The following TOX variants were observed in gnomAD, a reference collection of about 807,000 sequenced individuals.
TOX encodes the protein thymocyte selection-associated high mobility group box protein TOX.
Under a neutral mutation model 53.7 loss-of-function variants are expected in TOX, and 11 were observed. The ratio of observed to expected loss-of-function variants is 0.20; its 90% CI spans 0.13 to 0.34. The LOEUF is 0.34. TOX is among the 10% of genes least tolerant of loss of function. TOX has a pLI of 1.00. For missense variants in TOX, 570 were observed against 664.6 expected (o/e 0.86, Z 1.56); for synonymous variants, 225 against 245.3 (o/e 0.92, Z 0.77).
chr8:59,066,057 A>C (rs1372951881), intron 1 of TOX, among the ~76,000 whole-genome samples: 1 of 152,212 alleles, frequency 6.6e-6, no homozygotes, highest in African/African-American at 2.4e-5. Flanking sequence ...CACAGGAAAA[A>C]ACGAGGAGCA....
At chr8:59,082,591 G>C (rs984872691) in intron 1 of TOX, among the ~76,000 whole-genome samples, 1 of 152,206 alleles carries the variant, frequency 6.6e-6, no homozygotes, top group Non-Finnish European at 1.5e-5. Context: ...AATGCTGGTT[G>C]ATGAGGGGGT....
At chr8:58,942,832 C>T (rs1417056114) in intron 2 of TOX, among the ~76,000 whole-genome samples, 2 of 152,298 alleles carry the variant, frequency 1.3e-5, no homozygotes, top group South Asian at 2.1e-4. Flanking sequence ...CTTGCTTGCT[C>T]ACACAGATCC....
chr8:58,906,071 T>C (rs1012177841), intron 3 of TOX, among the ~76,000 whole-genome samples: 2 of 152,222 alleles, frequency 1.3e-5, no homozygotes, highest in African/African-American at 4.8e-5. Context: ...TTCCTATTAA[T>C]CTTTCCCTGA....
chr8:58,946,365 T>C (rs1812522089), intron 2 of TOX, among the ~76,000 whole-genome samples: 1 of 152,208 alleles, frequency 6.6e-6, no homozygotes, highest in South Asian at 2.1e-4. Flanking sequence ...TGTGTCAATA[T>C]AATCTCTGAT....
intron 1 of TOX, among the ~76,000 whole-genome samples, chr8:59,088,662 T>TA (rs34391419): frequency 2.0e-5 from 3 of 152,154 alleles, no homozygotes; most frequent in Non-Finnish European, 4.4e-5. Context: ...TTTTAATGAC[T>TA]AAAAAAATTG....
rs376234247 is a variant in TOX, at chr8:59,053,023, T to C, written c.102+65863A>G. Among the ~76,000 whole-genome samples, 351 of 152,322 alleles carry C rather than the reference T, an allele frequency of 2.3e-3. 1 individual carries two copies. Among genetic ancestry groups the C allele is most frequent in the Non-Finnish European group, 4.1e-3 (279 of 68,030 alleles). Reference sequence around the variant, plus strand: ...AATCAATATTTATTTGAATTCCATATGGCAATAAAACTAATGATAATTATT... The same window carrying C: ...AATCAATATTTATTTGAATTCCATACGGCAATAAAACTAATGATAATTATT... On this transcript the variant is annotated intron_variant, in intron 1 of 8. Coordinates refer to ENST00000361421, the MANE Select transcript of TOX (RefSeq NM_014729.3).
chr8:58,833,808 A>G (rs1810504393), intron 5 of TOX, among the ~76,000 whole-genome samples: 1 of 152,218 alleles, frequency 6.6e-6, no homozygotes, highest in African/African-American at 2.4e-5. Context: ...ACCATCTTCC[A>G]AAGTATTAAA....
intron 2 of TOX, among the ~76,000 whole-genome samples, chr8:58,951,461 T>C (rs961586226): frequency 1.3e-5 from 2 of 152,088 alleles, no homozygotes; most frequent in Non-Finnish European, 2.9e-5. Context: ...GAAGTTTCAT[T>C]GAGGTCAGAG....
intron 3 of TOX, among the ~76,000 whole-genome samples, chr8:58,869,892 A>C (rs530789717): frequency 6.6e-5 from 10 of 152,132 alleles, no homozygotes; most frequent in East Asian, 1.9e-4. Context: ...GAAAAAAAAA[A>C]CCATAGCAAA....
At position 58,958,846 on chromosome 8, in the gene TOX, A is replaced by T. The variant is rs1010169764; in HGVS notation, c.168+1097T>A. On this transcript the variant is annotated intron_variant, in intron 2 of 8. Transcript: ENST00000361421. The stretch of plus-strand genomic sequence containing the variant: ...ACTTCTAAATGCAAAGTTCAGGGAG[A>T]TGCAGGCCTGCCTCTGTTTTGAGTT... Among the ~76,000 whole-genome samples, 4 of 152,188 alleles carry T rather than the reference A, an allele frequency of 2.6e-5. No individual in the cohort carries two copies. In the East Asian group the frequency reaches 7.7e-4, roughly 29 times the overall value.
At chr8:59,043,026 C>T (rs1015462021) in intron 1 of TOX, among the ~76,000 whole-genome samples, 2 of 152,024 alleles carry the variant, frequency 1.3e-5, no homozygotes, top group African/African-American at 4.8e-5. Context: ...TAGAATAGAT[C>T]TCAAAAAACT....
chr8:59,005,003 G>A (rs191028788), intron 1 of TOX, among the ~76,000 whole-genome samples: 1 of 151,548 alleles, frequency 6.6e-6, no homozygotes, highest in East Asian at 1.9e-4. Flanking sequence ...AATATATTCA[G>A]AAATTTATTT....
At chr8:58,864,720 G>A (rs1342785752) in intron 3 of TOX, among the ~76,000 whole-genome samples, 2 of 152,152 alleles carry the variant, frequency 1.3e-5, no homozygotes, top group Non-Finnish European at 2.9e-5. Context: ...TTTTCTAGAA[G>A]GGAAGAATGA....
intron 3 of TOX, among the ~76,000 whole-genome samples, chr8:58,907,654 G>C (rs572348123): frequency 2.0e-5 from 3 of 152,100 alleles, no homozygotes; most frequent in Non-Finnish European, 2.9e-5. Flanking sequence ...CAAGCATGAA[G>C]GCACATACAA....
At chr8:58,925,524 T>G (rs935139791) in intron 3 of TOX, among the ~76,000 whole-genome samples, 1 of 152,168 alleles carries the variant, frequency 6.6e-6, no homozygotes, top group Admixed American at 6.5e-5. Context: ...GACTATCTCA[T>G]TTAATCCACA....
intron 2 of TOX, among the ~76,000 whole-genome samples, chr8:58,944,813 A>G (rs1462544180): frequency 6.6e-6 from 1 of 152,224 alleles, no homozygotes; most frequent in Non-Finnish European, 1.5e-5. Flanking sequence ...AACAAAACAA[A>G]CAACTGTAGA....
chr8:59,037,801 C>CAAAAA (rs769397049), intron 1 of TOX, among the ~76,000 whole-genome samples: 35 of 98,034 alleles, frequency 3.6e-4, no homozygotes, highest in African/African-American at 1.2e-3. Context: ...GACTCCATCT[C>CAAAAA]AAAAAAAAAA....
chr8:58,987,661 T>A (rs1388173216), intron 1 of TOX, among the ~76,000 whole-genome samples: 1 of 152,214 alleles, frequency 6.6e-6, no homozygotes, highest in Non-Finnish European at 1.5e-5. Flanking sequence ...AAAGTCAGAA[T>A]TATCCTTGAC....
At chr8:58,897,602 T>C (rs912622752) in intron 3 of TOX, among the ~76,000 whole-genome samples, 7 of 152,218 alleles carry the variant, frequency 4.6e-5, no homozygotes, top group Non-Finnish European at 8.8e-5. Context: ...CTGTCAGTGA[T>C]GGAATATTCA....
Sources: gnomAD v4.1 joint callset for allele counts (sites outside exome capture counted in the v4.1 genomes callset) on GRCh38, gnomAD v4.1.1 for gene constraint, MANE v1.5 for transcripts, NCBI Gene and HGNC (gene_info 2026-07-23, HGNC 2026-07-21) for gene names.